Variants in SPATA24 observed in about 807,000 individuals in gnomAD.
SPATA24 encodes spermatogenesis-associated protein 24.
In SPATA24, 21 loss-of-function variants were observed where a neutral mutation model predicts 28.9. That is an observed-to-expected ratio of 0.73 (90% CI 0.52 to 1.05). The LOEUF is 1.05. SPATA24 is among the 50% of genes least tolerant of loss of function. The pLI, the probability that SPATA24 is intolerant of heterozygous loss-of-function variation, is 0.00. For synonymous variants in SPATA24, 76 were observed against 89.9 expected (o/e 0.85, Z 0.88); for missense variants, 215 against 242.9 (o/e 0.88, Z 0.76).
downstream of SPATA24, chr5:139,393,235 C>A (rs937305971): frequency 1.3e-6 from 2 of 1,548,802 alleles, no homozygotes; most frequent in Admixed American, 3.9e-5. Flanking sequence ...CATGCGCGGG[C>A]GTCCCGAGGC....
chr5:139,396,558 G>A (rs77676241), downstream of SPATA24: 14 of 1,331,262 alleles, frequency 1.1e-5, no homozygotes, highest in East Asian at 3.3e-4. Flanking sequence ...GGAGTGGGGT[G>A]GAATATTACT....
intron 1 of SPATA24, 119 bp downstream of exon 1, chr5:139,403,825 T>C (rs1758873210): frequency 2.4e-6 from 2 of 845,442 alleles, no homozygotes; most frequent in Non-Finnish European, 3.7e-6. Context: ...GGCCTCCTCC[T>C]GATGACGCCA....
At chr5:139,401,510 G>A in intron 4 of SPATA24, 4 of 640,232 alleles carry the variant, frequency 6.2e-6, no homozygotes, top group Non-Finnish European at 1.1e-5. Context: ...TATGTTTCAG[G>A]AAAAATGGGA....
chr5:139,394,022 G>A (rs780485703), downstream of SPATA24: 4 of 1,550,696 alleles, frequency 2.6e-6, no homozygotes, highest in Non-Finnish European at 3.5e-6. Flanking sequence ...CGAGTCTTCC[G>A]CGCCTCCTGG....
downstream of SPATA24, chr5:139,392,839 G>T (rs1458082979): frequency 2.0e-6 from 3 of 1,536,470 alleles, no homozygotes; most frequent in African/African-American, 2.8e-5. This position sits in a 1 kb window ranked among gnomAD's most constrained non-coding sequence, Gnocchi z 5.8. Context: ...CACTCGCGAG[G>T]TTACCTCGGG....
At chr5:139,402,792 G>T in intron 1 of SPATA24, 99 bp from the exon 2 acceptor site, 1 of 878,418 alleles carries the variant, frequency 1.1e-6, no homozygotes, top group South Asian at 1.4e-5. Context: ...GATGCTCGTG[G>T]TACCTAGGAT....
At chr5:139,402,083 C>T (rs548239981) in intron 2 of SPATA24, 38 bp from the exon 3 acceptor site, 34 of 1,542,652 alleles carry the variant, frequency 2.2e-5, no homozygotes, top group South Asian at 1.2e-4. Flanking sequence ...TACCCTAGGC[C>T]GCCTTGGGTC....
At chr5:139,393,406 G>A (rs564225693), downstream of SPATA24, 93 of 1,551,598 alleles carry the variant, frequency 6.0e-5, no homozygotes, top group Middle Eastern at 3.3e-4. Flanking sequence ...CATCTCTGTT[G>A]GTTCTGGAGT....
intron 2 of SPATA24, among the ~76,000 whole-genome samples, 180 bp from the exon 3 acceptor site, chr5:139,402,225 T>C (rs1206586832): frequency 1.3e-5 from 2 of 151,322 alleles, no homozygotes; most frequent in Non-Finnish European, 2.9e-5. Flanking sequence ...TTTTTTCTTT[T>C]TTTTTTTAGA....
chr5:139,392,989 G>T (rs1449484820), downstream of SPATA24: 19 of 1,518,716 alleles, frequency 1.3e-5, no homozygotes, highest in Non-Finnish European at 1.7e-5. This position sits in a 1 kb window ranked among gnomAD's most constrained non-coding sequence, Gnocchi z 5.8. Context: ...GGACGGTTCA[G>T]GAGGCTCGTA....
intron 4 of SPATA24, among the ~76,000 whole-genome samples, chr5:139,398,394 T>G (rs1043998476): frequency 8.0e-5 from 8 of 100,458 alleles, no homozygotes; most frequent in African/African-American, 3.2e-4. Flanking sequence ...AGACCTCGCC[T>G]CTACAAAACT....
At chr5:139,399,144 T>C (rs1758771356) in intron 4 of SPATA24, among the ~76,000 whole-genome samples, 1 of 151,790 alleles carries the variant, frequency 6.6e-6, no homozygotes, top group African/African-American at 2.4e-5. Flanking sequence ...GGTGAAACCT[T>C]GTCTCTACTA....
intron 4 of SPATA24, among the ~76,000 whole-genome samples, chr5:139,398,017 C>T (rs1758747655): frequency 6.6e-6 from 1 of 152,190 alleles, no homozygotes; most frequent in African/African-American, 2.4e-5. Flanking sequence ...AGTAGGTATA[C>T]AAAAAGTATA....
chr5:139,395,278 T>A, downstream of SPATA24: 1 of 453,284 alleles, frequency 2.2e-6, no homozygotes, highest in Non-Finnish European at 3.7e-6. Context: ...CATGCCCAAC[T>A]AACCCCCTTC....
chr5:139,393,576 G>T (rs1428934443), downstream of SPATA24: 29 of 1,550,954 alleles, frequency 1.9e-5, no homozygotes, highest in Non-Finnish European at 2.5e-5. Context: ...CCTCCCACGG[G>T]AAGAAGGCCG....
At chr5:139,394,887 C>T (rs1302153806), downstream of SPATA24, 2 of 1,511,368 alleles carry the variant, frequency 1.3e-6, no homozygotes, top group African/African-American at 2.9e-5. Flanking sequence ...GCTGCGCGCC[C>T]GCCCCCCGCC....
At chr5:139,396,010 T>C (rs1581398276), downstream of SPATA24, among the ~76,000 whole-genome samples, 1 of 152,192 alleles carries the variant, frequency 6.6e-6, no homozygotes, top group Admixed American at 6.5e-5. Context: ...CCACCTGTCA[T>C]TGTCTTACAA....
chr5:139,392,768 C>T, downstream of SPATA24: 1 of 1,438,264 alleles, frequency 7.0e-7, no homozygotes, highest in Non-Finnish European at 9.1e-7. This position sits in a 1 kb window ranked among gnomAD's most constrained non-coding sequence, Gnocchi z 5.8. Context: ...CGACCGTCGC[C>T]GTCGGGGACC....
chr5:139,393,345 C>A, downstream of SPATA24: 2 of 1,551,330 alleles, frequency 1.3e-6, no homozygotes, highest in Non-Finnish European at 1.7e-6. Context: ...CTGGGGACTG[C>A]TGACTCCCTC....
Sources: gnomAD v4.1 joint callset for allele counts (sites outside exome capture counted in the v4.1 genomes callset) on GRCh38, gnomAD v4.1.1 for gene constraint, Gnocchi (gnomAD v3.1) non-coding constraint, MANE v1.5 for transcripts, NCBI Gene and HGNC (gene_info 2026-07-23, HGNC 2026-07-21) for gene names.